Variants in FAM193B observed in about 807,000 individuals in gnomAD.
The protein encoded by FAM193B is family with sequence similarity 193 member B.
A neutral mutation model predicts 70.7 loss-of-function variants in FAM193B; 27 were observed. The ratio of observed to expected loss-of-function variants is 0.38; its 90% CI spans 0.28 to 0.53. FAM193B has a LOEUF of 0.53. FAM193B is among the 20% of genes least tolerant of loss of function. The pLI is 0.81. For synonymous variants in FAM193B, 448 were observed against 436.0 expected (o/e 1.03, Z -0.34); for missense variants, 1,022 against 1,072.5 (o/e 0.95, Z 0.66).
At position 177,532,455 on chromosome 5, in the gene FAM193B, G is replaced by A. The variant is rs750839978; in HGVS notation, c.1263C>T (p.Phe421=). 2.5e-6 allele frequency: 4 copies of A among 1,610,554 alleles called. No individual in the cohort carries two copies. Among genetic ancestry groups the A allele is most frequent in the East Asian group, 2.2e-5 (1 of 44,840 alleles). ...CAGGCTCACTCACCGCATTGTGGCC[G>A]AAGAACTCACAGTAGCAGCAGTCAC... ...KFCDCCYCEF[F]GHNAEKEKAQ... Residue 421 remains phenylalanine, a synonymous_variant, in exon 5 of 9, where the codon TTC becomes TTT. Coordinates refer to ENST00000514747, the MANE Select transcript of FAM193B (RefSeq NM_001190946.3). This position sits in a 1 kb window ranked among gnomAD's most constrained non-coding sequence, Gnocchi z 4.9.
intron 1 of FAM193B, chr5:177,553,635 C>T (rs1203319959): frequency 1.6e-6 from 2 of 1,252,964 alleles, no homozygotes; most frequent in Admixed American, 2.5e-5. Context: ...GGCTGCCTTG[C>T]GGAGCAGGGG....
At chr5:177,552,512 ATC>A (rs1766399269) in intron 1 of FAM193B, among the ~76,000 whole-genome samples, 2 of 152,252 alleles carry the variant, frequency 1.3e-5, no homozygotes, top group Non-Finnish European at 2.9e-5. Flanking sequence ...GCTTTTTGGC[ATC>A]TCTATGTGGC....
chr5:177,543,788 T>C (rs1765117440), intron 1 of FAM193B, among the ~76,000 whole-genome samples: 2 of 152,236 alleles, frequency 1.3e-5, no homozygotes, highest in Non-Finnish European at 2.9e-5. Context: ...TGACCCCTTA[T>C]GCCCTGAAAA....
rs1032472425 is a variant in FAM193B at position 177,539,268 on chromosome 5, C to G, written c.211-121G>C. 3.1e-6 allele frequency: 4 copies of G among 1,274,500 alleles called. No individual in the cohort carries two copies. In the African/African-American group the frequency reaches 6.0e-5, roughly 19 times the overall value. The allele number at this position is 1,274,500 out of a possible 1,614,324, so 78.9% of individuals were successfully genotyped here. On this transcript the variant is annotated intron_variant, in intron 1 of 8. Transcript: ENST00000514747. ...GGCACTGGGTTAGGCACTTTTTAGACATAATTAAAATTTAGTCCTTGTAAC... is the reference window on the plus strand; with the variant it reads ...GGCACTGGGTTAGGCACTTTTTAGAGATAATTAAAATTTAGTCCTTGTAAC...
rs375203505 is a variant in FAM193B, at chr5:177,532,204, A to C, written c.1275+239T>G. On this transcript the variant is annotated intron_variant, in intron 5 of 8. Transcript: ENST00000514747. The surrounding 1 kb of genome is among the most constrained non-coding windows in gnomAD (Gnocchi z 4.9). ...CTGCCATTTCCTTTCCTTTTGCCTAAGGAAAAAAAGTCAATCTTAAGAGAA... is the reference window on the plus strand; with the variant it reads ...CTGCCATTTCCTTTCCTTTTGCCTACGGAAAAAAAGTCAATCTTAAGAGAA... 2 of 1,499,618 alleles carry C rather than the reference A, an allele frequency of 1.3e-6. No homozygotes were observed. Among genetic ancestry groups the C allele is most frequent in the East Asian group, 5.1e-5 (2 of 38,954 alleles). 92.9% of individuals were successfully genotyped at this position (1,499,618 alleles called of 1,614,324 possible). A position where few individuals can be genotyped will look rare whatever the true frequency, so the allele number is the denominator to read the frequency against.
At chr5:177,533,013 T>C (rs1763721815) in intron 4 of FAM193B, among the ~76,000 whole-genome samples, 1 of 152,232 alleles carries the variant, frequency 6.6e-6, no homozygotes, top group Non-Finnish European at 1.5e-5. Context: ...GGGCAGGGGC[T>C]GTGTTGCTTC....
chr5:177,523,859 G>A (rs1034688884), intron 7 of FAM193B, 98 bp downstream of exon 7: 6 of 1,373,688 alleles, frequency 4.4e-6, no homozygotes, highest in Middle Eastern at 3.6e-4. Context: ...AGGGCCAAGG[G>A]AGCAGGCCTT....
rs536943096 is a variant in FAM193B, at chr5:177,528,085, C to T, written c.1276-2880G>A. On this transcript the variant is annotated intron_variant, in intron 5 of 8. Transcript: ENST00000514747. ...GAGCTCACAAAGGAGACAGAAAGGA[C>T]GTCAGAGGGGCAGGCAAGACATCTG... Among the ~76,000 whole-genome samples the T allele has an allele frequency of 9.2e-5, 14 of 152,266 alleles. No homozygotes were observed. In the South Asian group the frequency reaches 2.7e-3, roughly 29 times the overall value.
intron 1 of FAM193B, chr5:177,552,153 A>C: frequency 1.3e-6 from 1 of 771,240 alleles, no homozygotes; most frequent in Non-Finnish European, 1.6e-6. Context: ...AGTAATGATA[A>C]TTATATCCTC....
Position 177,536,636 on chromosome 5 carries a change from G to T in FAM193B, c.798C>A (p.Pro266=), listed in dbSNP as rs548713256. 3.7e-5 allele frequency: 58 copies of T among 1,561,718 alleles called. No homozygotes were observed. In the East Asian group the frequency reaches 1.3e-3, roughly 35 times the overall value. ...GGTGGGGTGGGGAGCCAAAGGAGCT[G>T]GGGTGAGACGGGATTAGAGATGCTG... ...PQPASLIPSH[P]SSFGSPPHPH... Residue 266 remains proline (P), a synonymous_variant, in exon 4 of 9, where the codon CCC becomes CCA. Coordinates refer to ENST00000514747, the MANE Select transcript of FAM193B (RefSeq NM_001190946.3).
At chr5:177,524,162 C>A in intron 6 of FAM193B, 23 bp downstream of exon 6, 1 of 1,582,344 alleles carries the variant, frequency 6.3e-7, no homozygotes, top group Non-Finnish European at 8.6e-7. Flanking sequence ...GGGGGTCAGC[C>A]GCTCAGTTCC....
intron 7 of FAM193B, chr5:177,523,323 T>C (rs1762065030): frequency 7.0e-6 from 2 of 287,248 alleles, no homozygotes; most frequent in Admixed American, 4.2e-5. Context: ...TTTAAAAAAT[T>C]TGCATTATTT....
intron 8 of FAM193B, among the ~76,000 whole-genome samples, chr5:177,521,442 C>A (rs1439537908): frequency 6.6e-6 from 1 of 152,226 alleles, no homozygotes; most frequent in Admixed American, 6.5e-5. Flanking sequence ...GGAGCTTGCC[C>A]TGCTTTGGGT....
rs1289690537 is a variant in FAM193B, at chr5:177,535,005, C to CT, written c.1076+1352dup. ...GGTGGTTACATCAGTTTGGAGACCC[C>CT]TTTGGATAGCAGTTTTTCAATGTGT... is the stretch of plus-strand genomic sequence containing the variant. On this transcript the variant is annotated intron_variant, in intron 4 of 8. Transcript: ENST00000514747. Among the ~76,000 whole-genome samples the CT allele has an allele frequency of 9.2e-5, 14 of 152,170 alleles. 1 individual carries two copies. Among genetic ancestry groups the CT allele is most frequent in the Admixed American group, 8.5e-4 (13 of 15,276 alleles).
rs1762417146 is a variant in FAM193B, at chr5:177,525,357, A to AG, written c.1276-153dup. On this transcript the variant is annotated intron_variant, in intron 5 of 8. Coordinates refer to ENST00000514747, the MANE Select transcript of FAM193B (RefSeq NM_001190946.3). The stretch of plus-strand genomic sequence containing the variant: ...CCTGCTTACCCACCCTGCAGGAGTG[A>AG]GGGCAAACTGCAGCCAGACAGGTAC... The AG allele has an allele frequency of 1.0e-5, 7 of 674,646 alleles. No homozygotes were observed. In the South Asian group the frequency reaches 3.1e-4, roughly 30 times the overall value. The allele number at this position is 674,646 out of a possible 1,614,324, so 41.8% of individuals were successfully genotyped here.
In FAM193B at chr5:177,524,760, G is replaced by A. The variant is rs1356945444; in HGVS notation, c.1721C>T (p.Pro574Leu). ...HPPWTEVRGP[P>L]PGIVPENGLV... ...CCCGTTCTCGGGGACGATACCGGGA[G>A]GGGGCCCCCTCACCTCTGTCCATGG... The change falls in exon 6 of 9, where the codon CCT becomes CTT. Residue 574 changes from proline to leucine, a missense_variant. Transcript: ENST00000514747. The A allele has an allele frequency of 3.9e-6, 6 of 1,531,918 alleles. No homozygotes were observed. Among genetic ancestry groups the A allele is most frequent in the Non-Finnish European group, 5.3e-6 (6 of 1,141,418 alleles). 94.9% of individuals were successfully genotyped at this position (1,531,918 alleles called of 1,614,324 possible). A position where few individuals can be genotyped will look rare whatever the true frequency, so the allele number is the denominator to read the frequency against.
rs1363195050 is a variant in FAM193B at position 177,554,494 on chromosome 5, GCCGCCGCCGCCGCCGCCGCCGCCGC to G, written c.-61_-37del. The stretch of plus-strand genomic sequence containing the variant: ...GCGCCGCTCCCTCGCTCCACACGCC[GCCGCCGCCGCCGCCGCCGCCGCCGC>G]CGCCGCCGCCGCTACCGCTCCCCTC... On this transcript the variant is annotated 5_prime_UTR_variant, in exon 1 of 9. Transcript: ENST00000514747. The G allele has an allele frequency of 7.0e-5, 49 of 703,584 alleles. 1 individual carries two copies. The highest frequency in any genetic ancestry group is 2.7e-4 in the Admixed American group (3 of 11,134). 43.6% of individuals were successfully genotyped at this position (703,584 alleles called of 1,614,324 possible).
intron 1 of FAM193B, chr5:177,547,246 G>A (rs1489062705): frequency 6.6e-6 from 1 of 151,088 alleles, no homozygotes; most frequent in African/African-American, 2.4e-5. Context: ...AAATGACAGG[G>A]AAACTTACTA....
rs775121023 is a variant in FAM193B at position 177,524,670 on chromosome 5, G to C, written c.1811C>G (p.Pro604Arg). The change falls in exon 6 of 9, where the codon CCG (proline) becomes CGG (arginine). Residue 604 changes from proline (P) to arginine (R), a missense_variant. Transcript: ENST00000514747. ...TGGCTCCTCGGAGCTGGGGTAGCCCGGCTTGGGTGTCTTGACCCAGATCAC... is the reference window on the plus strand; with the variant it reads ...TGGCTCCTCGGAGCTGGGGTAGCCCCGCTTGGGTGTCTTGACCCAGATCAC... ...SRVIWVKTPKPGYPSSEEPSS... is the reference protein window; with the variant it reads ...SRVIWVKTPKRGYPSSEEPSS... 6.2e-7 allele frequency: 1 copy of C among 1,611,394 alleles called. No individual in the cohort carries two copies. The highest frequency in any genetic ancestry group is 1.7e-5 in the Admixed American group (1 of 59,680).
Sources: allele counts gnomAD v4.1 joint callset (sites outside exome capture counted in the v4.1 genomes callset), GRCh38; gene constraint gnomAD v4.1.1; non-coding constraint Gnocchi (gnomAD v3.1); transcripts MANE v1.5; gene names NCBI Gene and HGNC (gene_info 2026-07-23, HGNC 2026-07-21).